Variants in THRB observed in about 807,000 individuals in gnomAD.
THRB encodes the protein thyroid hormone receptor beta.
Under a neutral mutation model 47.8 loss-of-function variants are expected in THRB, and 12 were observed. The observed-to-expected ratio is 0.25, with a 90% confidence interval of 0.16 to 0.41. THRB has a LOEUF of 0.41. Ranked by LOEUF, THRB falls within the 10% of genes least tolerant of loss-of-function variation. THRB has a pLI of 1.00. For synonymous variants in THRB, 218 were observed against 212.2 expected, an observed-to-expected ratio of 1.03 and a Z score of -0.24; for missense variants, 348 against 589.2, an observed-to-expected ratio of 0.59 and a Z score of 4.24.
At chr3:24,238,190 C>G (rs1176673006) in intron 3 of THRB, 1 of 142,130 alleles carries the variant, frequency 7.0e-6, no homozygotes, top group African/African-American at 2.6e-5. Flanking sequence ...CCAAAGCATG[C>G]TGTTAAAACT....
intron 1 of THRB, among the ~76,000 whole-genome samples, chr3:24,465,472 G>A (rs997831313): frequency 7.4e-4 from 113 of 152,058 alleles, no homozygotes; most frequent in African/African-American, 2.6e-3. Context: ...GCATTATCTC[G>A]GCTCACTGCA....
intron 1 of THRB, among the ~76,000 whole-genome samples, chr3:24,464,029 G>A (rs1560249633): frequency 6.6e-6 from 1 of 152,096 alleles, no homozygotes; most frequent in Non-Finnish European, 1.5e-5. Context: ...GGCGGATCAC[G>A]AGGTCAGGAG....
intron 4 of THRB, among the ~76,000 whole-genome samples, chr3:24,207,206 A>G (rs1309009320): frequency 6.6e-6 from 1 of 152,228 alleles, no homozygotes; most frequent in Non-Finnish European, 1.5e-5. Flanking sequence ...AGAGAATTTT[A>G]GACCAATATC....
chr3:24,330,275 CCGCAG>C (rs1318800128), intron 2 of THRB, among the ~76,000 whole-genome samples: 1 of 152,118 alleles, frequency 6.6e-6, no homozygotes, highest in East Asian at 1.9e-4. Flanking sequence ...CCACTGCAGT[CCGCAG>C]TCCGGCCTGG....
At chr3:24,264,380 C>A (rs559438615) in intron 3 of THRB, among the ~76,000 whole-genome samples, 1 of 152,160 alleles carries the variant, frequency 6.6e-6, no homozygotes, top group African/African-American at 2.4e-5. Flanking sequence ...TTTATTGTAC[C>A]TCTTAAATTT....
At chr3:24,383,731 T>C (rs1018981698) in intron 1 of THRB, among the ~76,000 whole-genome samples, 4 of 152,170 alleles carry the variant, frequency 2.6e-5, no homozygotes, top group African/African-American at 9.6e-5. Flanking sequence ...TGCGTGTTTG[T>C]ATACTCATGC....
chr3:24,244,194 C>T (rs566715201), intron 3 of THRB, among the ~76,000 whole-genome samples: 14 of 152,166 alleles, frequency 9.2e-5, no homozygotes, highest in Admixed American at 8.5e-4. Context: ...ATATAAATGG[C>T]TGTAAATACA....
At chr3:24,386,578 T>A (rs2066125118) in intron 1 of THRB, among the ~76,000 whole-genome samples, 1 of 152,138 alleles carries the variant, frequency 6.6e-6, no homozygotes, top group African/African-American at 2.4e-5. Flanking sequence ...ACCTTACGTT[T>A]TAGTCATATC....
At chr3:24,439,200 G>A (rs2071283348) in intron 1 of THRB, among the ~76,000 whole-genome samples, 1 of 152,102 alleles carries the variant, frequency 6.6e-6, no homozygotes. Context: ...TCTGGATGAG[G>A]TAGATGTCAT....
chr3:24,289,806 T>C (rs1256914157), intron 3 of THRB, among the ~76,000 whole-genome samples: 2 of 152,224 alleles, frequency 1.3e-5, no homozygotes, highest in Non-Finnish European at 2.9e-5. Context: ...CCCTACTTAC[T>C]GACATGACTA....
chr3:24,168,178 A>G (rs917229241), intron 5 of THRB, among the ~76,000 whole-genome samples: 1 of 152,150 alleles, frequency 6.6e-6, no homozygotes, highest in African/African-American at 2.4e-5. Context: ...TTTCATTACT[A>G]TTAGTTGAAA....
chr3:24,473,032 G>A (rs1490977992), intron 1 of THRB, among the ~76,000 whole-genome samples: 5 of 151,858 alleles, frequency 3.3e-5, no homozygotes, highest in African/African-American at 7.3e-5. Flanking sequence ...CTTCCTTCCC[G>A]TTCTTCATGT....
chr3:24,363,462 T>C (rs2064218297), intron 1 of THRB, among the ~76,000 whole-genome samples: 1 of 152,160 alleles, frequency 6.6e-6, no homozygotes, highest in South Asian at 2.1e-4. Flanking sequence ...TTGGTAAATA[T>C]TAAGCAATCC....
Position 24,214,592 on chromosome 3 carries a change from C to T in THRB, c.22+14346G>A, listed in dbSNP as rs183988854. ...CTCTGAATCCCAAAGACCAAGGCTGCATCAGTGGCTGAGATGCCGACATGG... is the reference window on the plus strand; with the variant it reads ...CTCTGAATCCCAAAGACCAAGGCTGTATCAGTGGCTGAGATGCCGACATGG... On this transcript the variant is annotated intron_variant, in intron 4 of 10. Coordinates refer to ENST00000646209, the MANE Select transcript of THRB (RefSeq NM_001354712.2). Among the ~76,000 whole-genome samples, 336 of 152,364 alleles carry T rather than the reference C, an allele frequency of 2.2e-3. 1 individual carries two copies. The highest frequency in any genetic ancestry group is 3.0e-3 in the Non-Finnish European group (203 of 68,034).
chr3:24,262,914 GA>G (rs2052225804), intron 3 of THRB, among the ~76,000 whole-genome samples: 1 of 152,064 alleles, frequency 6.6e-6, no homozygotes, highest in Non-Finnish European at 1.5e-5. Flanking sequence ...GCACACAGCA[GA>G]TACTCAATAC....
chr3:24,466,925 C>T lies in THRB; in HGVS notation c.-261+27727G>A, dbSNP rs545217226. On this transcript the variant is annotated intron_variant, in intron 1 of 10. Transcript: ENST00000646209. ...TAAAATGAGACAATAATGAAGTTTGCTGCATCAATTAACTCTTTCTTTCAT... is the reference window on the plus strand; with the variant it reads ...TAAAATGAGACAATAATGAAGTTTGTTGCATCAATTAACTCTTTCTTTCAT... 9.2e-5 allele frequency among the ~76,000 whole-genome samples: 14 copies of T among 152,250 alleles called. 1 individual carries two copies. In the South Asian group the frequency reaches 2.9e-3, roughly 32 times the overall value.
chr3:24,488,557 C>CT (rs34346213), intron 1 of THRB, among the ~76,000 whole-genome samples: 27,580 of 145,806 alleles, frequency 0.19, 2,933 homozygotes, highest in African/African-American at 0.3. Context: ...AATTTGCCTT[C>CT]TTTTTTTTTT....
intron 1 of THRB, among the ~76,000 whole-genome samples, chr3:24,388,204 C>G (rs115574658): frequency 9.9e-5 from 15 of 152,070 alleles, no homozygotes; most frequent in Non-Finnish European, 1.9e-4. Context: ...GGTATAAAGG[C>G]CCAGCCCCGT....
At position 24,378,262 on chromosome 3, in the gene THRB, A is replaced by C. The variant is rs567333840; in HGVS notation, c.-260-40891T>G. On this transcript the variant is annotated intron_variant, in intron 1 of 10. Coordinates refer to ENST00000646209, the MANE Select transcript of THRB (RefSeq NM_001354712.2). ...ATTTAAGATTGATATGACAAATAAA[A>C]ATAAGAAAAGATTGTTTGTGCAGGT... 2.6e-5 allele frequency among the ~76,000 whole-genome samples: 4 copies of C among 152,324 alleles called. No individual in the cohort carries two copies. The South Asian group carries it at 8.3e-4, about 32-fold the overall frequency.
Sources: allele counts gnomAD v4.1 joint callset (sites outside exome capture counted in the v4.1 genomes callset), GRCh38; gene constraint gnomAD v4.1.1; transcripts MANE v1.5; gene names NCBI Gene and HGNC (gene_info 2026-07-23, HGNC 2026-07-21).